The following CSMD3 variants were observed in gnomAD, a reference collection of about 807,000 sequenced individuals.
CSMD3 encodes CUB and Sushi multiple domains 3.
Under a neutral mutation model 435.2 loss-of-function variants are expected in CSMD3, and 177 were observed. The ratio of observed to expected loss-of-function variants is 0.41; its 90% CI spans 0.36 to 0.46. The LOEUF (loss-of-function observed/expected upper bound fraction) is 0.46, where lower values mean the gene tolerates loss of function less well. Among genes scored for constraint, CSMD3 ranks in the 20% least tolerant of loss-of-function variants. CSMD3 has a pLI of 0.34. For synonymous variants in CSMD3, 1,656 were observed against 1,520.5 expected (o/e 1.09, Z -2.07); for missense variants, 4,265 against 4,504.6 (o/e 0.95, Z 1.52).
intron 42 of CSMD3, among the ~76,000 whole-genome samples, chr8:112,340,479 T>C (rs1477071609): frequency 1.3e-5 from 2 of 152,168 alleles, no homozygotes; most frequent in Non-Finnish European, 2.9e-5. Context: ...ATATTTATTG[T>C]GCTTACTGCT....
chr8:112,251,845 T>C (rs377116763), intron 63 of CSMD3, among the ~76,000 whole-genome samples: 5 of 151,874 alleles, frequency 3.3e-5, no homozygotes, highest in African/African-American at 9.7e-5. Flanking sequence ...CCATGGTTAA[T>C]CCTGATGTTG....
intron 3 of CSMD3, among the ~76,000 whole-genome samples, chr8:113,249,589 AT>A (rs2093315208): frequency 6.6e-6 from 1 of 152,104 alleles, no homozygotes; most frequent in African/African-American, 2.4e-5. Context: ...GTACTTACCC[AT>A]GATTTTCAGT....
intron 59 of CSMD3, among the ~76,000 whole-genome samples, chr8:112,270,357 T>TGTGTGTGTGTGTGTGTGTGTTAGGGGTGA (rs1563717272): frequency 4.7e-4 from 56 of 119,070 alleles, no homozygotes; most frequent in East Asian, 2.6e-3. Flanking sequence ...TGTGTGTGTG[T>TGTGTGTGTGTGTGTGTGTGTTAGGGGTGA]GTGTGTGTGT....
rs533399739 is a variant in CSMD3 at position 112,321,218 on chromosome 8, C to T, written c.7166-1237G>A. ...ACTTAGAAGTTCTTTATGTACTCAACGTGCTGATAAAGAGAATGAGACTCA... is the reference window on the plus strand; with the variant it reads ...ACTTAGAAGTTCTTTATGTACTCAATGTGCTGATAAAGAGAATGAGACTCA... On this transcript the variant is annotated intron_variant, in intron 45 of 70. Transcript: ENST00000297405. Among the ~76,000 whole-genome samples the T allele has an allele frequency of 8.5e-5, 13 of 152,212 alleles. No homozygotes were observed. The South Asian group carries it at 1.7e-3, about 19-fold the overall frequency.
At chr8:113,361,453 A>AT (rs1315135099) in intron 1 of CSMD3, among the ~76,000 whole-genome samples, 1 of 152,084 alleles carries the variant, frequency 6.6e-6, no homozygotes, top group Admixed American at 6.6e-5. Flanking sequence ...TTCTTATAAT[A>AT]TTTCCTGAAT....
chr8:112,645,413 T>A (rs1445948328), intron 19 of CSMD3, among the ~76,000 whole-genome samples, 188 bp from the exon 20 acceptor site: 3 of 152,162 alleles, frequency 2.0e-5, no homozygotes, highest in Admixed American at 2.0e-4. Flanking sequence ...ATTAGTGCAG[T>A]CCCCAAGAGA....
chr8:112,525,905 G>GTATATATATTTTATATATATAAA (rs1824901589), intron 27 of CSMD3, among the ~76,000 whole-genome samples: 2 of 137,068 alleles, frequency 1.5e-5, no homozygotes, highest in Admixed American at 7.5e-5. Context: ...TTTTATATAT[G>GTATATATATTTTATATATATAAA]TATATATATT....
chr8:112,505,969 C>T (rs548597378), intron 29 of CSMD3, among the ~76,000 whole-genome samples: 2 of 151,946 alleles, frequency 1.3e-5, no homozygotes, highest in Non-Finnish European at 2.9e-5. Flanking sequence ...TAAACTAAGC[C>T]CTGTATCATC....
At chr8:113,308,318 G>GAGTGC (rs1198845557) in intron 2 of CSMD3, among the ~76,000 whole-genome samples, 1 of 128,970 alleles carries the variant, frequency 7.8e-6, no homozygotes, top group African/African-American at 3.1e-5. Context: ...ACCCAGGCTG[G>GAGTGC]AGTGCAGTGG....
intron 11 of CSMD3, among the ~76,000 whole-genome samples, chr8:112,843,504 G>C (rs2080237219): frequency 6.6e-6 from 1 of 151,888 alleles, no homozygotes; most frequent in South Asian, 2.1e-4. Context: ...TTGAACTTGT[G>C]ATTCAATTTA....
intron 31 of CSMD3, among the ~76,000 whole-genome samples, chr8:112,474,848 A>G (rs1395055425): frequency 6.6e-6 from 1 of 152,184 alleles, no homozygotes; most frequent in African/African-American, 2.4e-5. Flanking sequence ...TTAATGTTCT[A>G]TAAAAAGGTA....
intron 4 of CSMD3, 83 bp from the exon 5 acceptor site, chr8:113,099,046 T>C (rs780446956): frequency 1.1e-6 from 1 of 882,598 alleles, no homozygotes; most frequent in Admixed American, 1.8e-5. Context: ...AGTCAATATG[T>C]TTGGATAAAA....
At chr8:113,272,598 T>G (rs2093537830) in intron 3 of CSMD3, among the ~76,000 whole-genome samples, 1 of 151,948 alleles carries the variant, frequency 6.6e-6, no homozygotes, top group Non-Finnish European at 1.5e-5. Flanking sequence ...GCCATGATTC[T>G]GAGGCCTCCC....
At chr8:112,385,582 A>G (rs936077123) in intron 36 of CSMD3, among the ~76,000 whole-genome samples, 1 of 152,164 alleles carries the variant, frequency 6.6e-6, no homozygotes, top group Non-Finnish European at 1.5e-5. Context: ...CTATTTCAGT[A>G]ATATTTCAAT....
chr8:112,289,591 A>C, intron 56 of CSMD3, 53 bp from the exon 57 acceptor site: 1 of 1,143,564 alleles, frequency 8.7e-7, no homozygotes, highest in Non-Finnish European at 1.3e-6. Flanking sequence ...CTATCGAACA[A>C]CCTATACCAG....
intron 35 of CSMD3, among the ~76,000 whole-genome samples, chr8:112,402,302 C>T (rs1831414037): frequency 6.6e-6 from 1 of 152,180 alleles, no homozygotes; most frequent in Admixed American, 6.5e-5. Flanking sequence ...CAATTCCCAG[C>T]TCTGATGATT....
intron 6 of CSMD3, among the ~76,000 whole-genome samples, chr8:112,998,869 G>T (rs1043492498): frequency 1.3e-5 from 2 of 151,796 alleles, no homozygotes; most frequent in Non-Finnish European, 2.9e-5. Context: ...TCCTGCTCTG[G>T]CCATGTAAGA....
At position 112,306,092 on chromosome 8, in the gene CSMD3, A is replaced by T. The variant is rs2130787310; in HGVS notation, c.7986T>A (p.Tyr2662Ter). Reference protein sequence around the residue: ...TRVTYFCNDGYRLSSKELTTA... With the variant: ...TRVTYFCNDG ...TAGTGAGTTCTTTGGATGACAATCG[A>T]TATCCATCATTACAAAAATAGGTAA... Residue 2662 changes from tyrosine to a stop codon, truncating the protein, a stop_gained, in exon 51 of 71, where the codon TAT becomes TAA. Transcript: ENST00000297405. LOFTEE classifies it high-confidence loss of function. The T allele has an allele frequency of 6.2e-7, 1 of 1,613,190 alleles. No homozygotes were observed. The highest frequency in any genetic ancestry group is 1.3e-5 in the African/African-American group (1 of 75,006).
intron 1 of CSMD3, among the ~76,000 whole-genome samples, chr8:113,321,457 C>A (rs2093948888): frequency 6.6e-6 from 1 of 152,046 alleles, no homozygotes; most frequent in South Asian, 2.1e-4. Context: ...TCAAAGTCCT[C>A]AAAATGTTCA....
Sources: allele counts gnomAD v4.1 joint callset (sites outside exome capture counted in the v4.1 genomes callset), GRCh38; gene constraint gnomAD v4.1.1; transcripts MANE v1.5; gene names NCBI Gene and HGNC (gene_info 2026-07-23, HGNC 2026-07-21).